EFR3A: variants seen among roughly 807,000 people sequenced by gnomAD.
EFR3A encodes EFR3 homolog A.
Under a neutral mutation model 104.4 loss-of-function variants are expected in EFR3A, and 76 were observed. The observed-to-expected ratio is 0.73, with a 90% CI of 0.60 to 0.88. EFR3A has a LOEUF of 0.88. Ranked by LOEUF, EFR3A falls within the 40% of genes least tolerant of loss-of-function variation. The pLI is 0.00. For synonymous variants in EFR3A, 330 were observed against 330.0 expected, an observed-to-expected ratio of 1.00 and a Z score of 0.00; for missense variants, 985 against 1,012.5, an observed-to-expected ratio of 0.97 and a Z score of 0.37.
chr8:131,935,661 T>A (rs998123272), intron 1 of EFR3A: 1 of 235,954 alleles, frequency 4.2e-6, no homozygotes, highest in Non-Finnish European at 8.8e-6. Context: ...ATACAGTCAG[T>A]TTCCATAATA....
intron 10 of EFR3A, among the ~76,000 whole-genome samples, chr8:131,975,490 C>T (rs1292158843): frequency 7.3e-5 from 10 of 136,996 alleles, no homozygotes; most frequent in African/African-American, 2.7e-4. Flanking sequence ...GATCTTGGCT[C>T]ACCGCGACCT....
chr8:131,956,249 G>C (rs1037400026), intron 7 of EFR3A, among the ~76,000 whole-genome samples: 1 of 152,090 alleles, frequency 6.6e-6, no homozygotes, highest in Admixed American at 6.6e-5. Flanking sequence ...TAACTTTCAT[G>C]GTCAGTTTTT....
Position 132,003,260 on chromosome 8 carries a change from G to T in EFR3A, c.2335G>T (p.Ala779Ser). 6.2e-7 allele frequency: 1 copy of T among 1,611,558 alleles called. No homozygotes were observed. The change falls in exon 22 of 23, where the codon GCC becomes TCC. Residue 779 changes from alanine (A) to serine (S), a missense_variant. Coordinates refer to ENST00000254624, the MANE Select transcript of EFR3A (RefSeq NM_015137.6). ...SKANLLHDRL[A>S]QILELTIRPP... is the part of the protein sequence containing the mutation. The stretch of plus-strand genomic sequence containing the variant: ...GGCAAATTTGCTTCATGATAGACTT[G>T]CCCAAATATTGGAACTCACCATACG...
At chr8:131,934,040 G>A (rs1394779806) in intron 1 of EFR3A, among the ~76,000 whole-genome samples, 2 of 152,030 alleles carry the variant, frequency 1.3e-5, no homozygotes, top group Non-Finnish European at 2.9e-5. Context: ...GAAGGTATAC[G>A]ATTATATGTG....
chr8:132,008,466 A>AG (rs1822154527), intron 22 of EFR3A, among the ~76,000 whole-genome samples: 2 of 152,068 alleles, frequency 1.3e-5, no homozygotes, highest in South Asian at 4.1e-4. Flanking sequence ...AAATGGTGAT[A>AG]ATATAATGAA....
chr8:131,961,185 C>A (rs1819299919), intron 8 of EFR3A, among the ~76,000 whole-genome samples: 1 of 152,174 alleles, frequency 6.6e-6, no homozygotes, highest in Non-Finnish European at 1.5e-5. Context: ...CAGCTCCTCA[C>A]CAGCAATGGA....
chr8:131,957,368 T>TTTTTTTTTTTTA (rs1819057120), intron 7 of EFR3A, among the ~76,000 whole-genome samples: 1 of 150,646 alleles, frequency 6.6e-6, no homozygotes, highest in African/African-American at 2.4e-5. Context: ...TTTTTTTTTT[T>TTTTTTTTTTTTA]GAGACAGAGT....
rs555177194 is a variant in EFR3A, at chr8:131,928,330, G to A, written c.11-12169G>A. 3.2e-4 allele frequency among the ~76,000 whole-genome samples: 49 copies of A among 152,196 alleles called. 1 individual carries two copies. Among genetic ancestry groups the A allele is most frequent in the Non-Finnish European group, 6.8e-4 (46 of 67,986 alleles). ...TTCGACATTAAATGCTAAATGAAGGGTGGGGTTTCTGCAGACATTATACAA... is the reference window on the plus strand; with the variant it reads ...TTCGACATTAAATGCTAAATGAAGGATGGGGTTTCTGCAGACATTATACAA... On this transcript the variant is annotated intron_variant, in intron 1 of 22. Transcript: ENST00000254624.
chr8:131,962,739 T>C (rs1223087332), intron 8 of EFR3A, among the ~76,000 whole-genome samples: 4 of 151,968 alleles, frequency 2.6e-5, no homozygotes, highest in Non-Finnish European at 4.4e-5. Context: ...TCTACAAAAC[T>C]CTCCACCCCA....
At position 132,011,529 on chromosome 8, in the gene EFR3A, T is replaced by C; in HGVS notation, c.*634T>C. 1.4e-6 allele frequency: 1 copy of C among 704,904 alleles called. No homozygotes were observed. 43.7% of individuals were successfully genotyped at this position (704,904 alleles called of 1,614,324 possible). On this transcript the variant is annotated 3_prime_UTR_variant, in exon 23 of 23. Transcript: ENST00000254624. The stretch of plus-strand genomic sequence containing the variant: ...TAAAAACGCCATACTTTAAATTGTC[T>C]GGTTCTTGTAATATTGTGTTTCCTG...
chr8:131,946,782 G>A (rs1818464038), intron 4 of EFR3A, 149 bp downstream of exon 4: 2 of 740,708 alleles, frequency 2.7e-6, no homozygotes, highest in Non-Finnish European at 3.9e-6. Flanking sequence ...AGAATACTTT[G>A]CCTCTCAGTT....
intron 4 of EFR3A, 61 bp from the exon 5 acceptor site, chr8:131,949,908 A>C: frequency 7.2e-7 from 1 of 1,398,030 alleles, no homozygotes; most frequent in Non-Finnish European, 9.7e-7. Context: ...TATGAAATTA[A>C]ATGTATTTGG....
chr8:131,968,145 T>C, intron 8 of EFR3A, 150 bp from the exon 9 acceptor site: 1 of 576,804 alleles, frequency 1.7e-6, no homozygotes, highest in Non-Finnish European at 2.8e-6. Flanking sequence ...TTTAAAAGAA[T>C]GGCTTTGTAT....
intron 7 of EFR3A, among the ~76,000 whole-genome samples, chr8:131,956,387 T>C (rs558907081): frequency 6.6e-6 from 1 of 152,308 alleles, no homozygotes; most frequent in East Asian, 1.9e-4. Context: ...ATTAAATATC[T>C]TGTTGGTACT....
At chr8:131,932,330 A>G (rs1479050115) in intron 1 of EFR3A, among the ~76,000 whole-genome samples, 1 of 152,122 alleles carries the variant, frequency 6.6e-6, no homozygotes, top group Non-Finnish European at 1.5e-5. Flanking sequence ...GAAATGAGTG[A>G]CAGACAGTTC....
chr8:131,996,982 G>T (rs2130792090), intron 19 of EFR3A, among the ~76,000 whole-genome samples: 1 of 152,140 alleles, frequency 6.6e-6, no homozygotes, highest in South Asian at 2.1e-4. Flanking sequence ...AATTATTTTG[G>T]ATAGTAAGGA....
chr8:131,987,747 G>GT, intron 18 of EFR3A, 45 bp downstream of exon 18: 1 of 1,533,752 alleles, frequency 6.5e-7, no homozygotes, highest in Non-Finnish European at 8.8e-7. Flanking sequence ...GATTGCTTAT[G>GT]TTATAGTAAA....
At chr8:131,940,775 A>G in intron 2 of EFR3A, 200 bp downstream of exon 2, 1 of 842,596 alleles carries the variant, frequency 1.2e-6, no homozygotes, top group East Asian at 2.9e-5. Context: ...CTTTTAGTAG[A>G]TTAGGCACAA....
At chr8:131,956,042 T>C in intron 7 of EFR3A, 137 bp downstream of exon 7, 1 of 1,015,976 alleles carries the variant, frequency 9.8e-7, no homozygotes, top group South Asian at 1.7e-5. Flanking sequence ...GTGAAAGTAG[T>C]ACAGGACTGA....
Sources: allele counts gnomAD v4.1 joint callset (sites outside exome capture counted in the v4.1 genomes callset), GRCh38; gene constraint gnomAD v4.1.1; transcripts MANE v1.5; gene names NCBI Gene and HGNC (gene_info 2026-07-23, HGNC 2026-07-21).